The following MYOM1 variants were observed in gnomAD, a reference collection of about 807,000 sequenced individuals.
MYOM1 encodes myomesin-1.
Under a neutral mutation model 205.3 loss-of-function variants are expected in MYOM1, and 164 were observed. The ratio of observed to expected loss-of-function variants is 0.80; its 90% CI spans 0.70 to 0.91. The LOEUF (loss-of-function observed/expected upper bound fraction) is 0.91. MYOM1 is among the 40% of genes least tolerant of loss of function. MYOM1 has a pLI of 0.00. For missense variants in MYOM1, 2,011 were observed against 2,127.3 expected (o/e 0.95, Z 1.08); for synonymous variants, 772 against 789.4 (o/e 0.98, Z 0.37).
At chr18:3,246,996 C>T in the MYOM1 span, 1 of 152,234 alleles carries the variant, frequency 6.6e-6, no homozygotes, top group East Asian at 1.9e-4. Context: ...CCTGTTTTCA[C>T]CAAGTCGCAA....
chr18:3,169,099 T>C lies in MYOM1; in HGVS notation c.1175-118A>G. The C allele has an allele frequency of 1.8e-5, 15 of 838,084 alleles. 1 individual carries two copies. The South Asian group carries it at 2.5e-4, about 14-fold the overall frequency. The allele number at this position is 838,084 out of a possible 1,614,324, so 51.9% of individuals were successfully genotyped here. On this transcript the variant is annotated intron_variant, in intron 8 of 37. Transcript: ENST00000356443. ...AAAAAAAAATGAACAAATGAGCAAATGATTTAACTGGGTCAAAATGAAACC... is the reference window on the plus strand; with the variant it reads ...AAAAAAAAATGAACAAATGAGCAAACGATTTAACTGGGTCAAAATGAAACC...
chr18:3,087,488 CTTTTTTTTTT>C (rs5822735), intron 29 of MYOM1, among the ~76,000 whole-genome samples: 1 of 122,706 alleles, frequency 8.1e-6, no homozygotes, highest in East Asian at 2.4e-4. Flanking sequence ...CTCCTACGTT[CTTTTTTTTTT>C]TTTTTTTTTG....
At chr18:3,084,182 G>A (rs557740130) in intron 31 of MYOM1, among the ~76,000 whole-genome samples, 155 bp from the exon 32 acceptor site, 79 of 152,256 alleles carry the variant, frequency 5.2e-4, no homozygotes, top group Admixed American at 5.9e-4. Context: ...TATTCTTTGA[G>A]GAAATAGTTC....
rs749346618 is a variant in MYOM1, at chr18:3,188,927, C to T, written c.592G>A (p.Ala198Thr). The change falls in exon 4 of 38, where the codon GCA becomes ACA. Residue 198 changes from alanine (A) to threonine (T), a missense_variant. Physicochemically the swap from Ala to Thr is moderately conservative, Grantham distance 58. Transcript: ENST00000356443. ...TTGGATGCTGTGGACTGCTTGGATGCCGTGGACTGCTTAGATGCCGTGGTC... is the reference window on the plus strand; with the variant it reads ...TTGGATGCTGTGGACTGCTTGGATGTCGTGGACTGCTTAGATGCCGTGGTC... ...KQTTASKQST[A>T]SKQSTASKQS... 2.2e-5 allele frequency: 35 copies of T among 1,611,600 alleles called. No homozygotes were observed. The East Asian group carries it at 3.4e-4, about 15-fold the overall frequency.
rs559625778 is a variant in MYOM1 at position 3,071,881 on chromosome 18, G to A, written c.4717C>T (p.Arg1573Trp). The change falls in exon 37 of 38, where the codon CGG becomes TGG. Residue 1573 changes from arginine to tryptophan, a missense_variant. Physicochemically the swap from Arg to Trp is moderately radical, Grantham distance 101. Coordinates refer to ENST00000356443, the MANE Select transcript of MYOM1 (RefSeq NM_003803.4). ...QAAIAEKNRARVLGGLPDVVT... is the reference protein window; with the variant it reads ...QAAIAEKNRAWVLGGLPDVVT... ...ACGTCTGGGAGACCTCCCAACACCCGGGCACGATCTGCAAGCATAGGCATT... is the reference window on the plus strand; with the variant it reads ...ACGTCTGGGAGACCTCCCAACACCCAGGCACGATCTGCAAGCATAGGCATT... The A allele has an allele frequency of 2.7e-5, 44 of 1,604,652 alleles. No individual in the cohort carries two copies. The highest frequency in any genetic ancestry group is 2.3e-5 in the East Asian group (1 of 44,410).
chr18:3,114,213 G>C (rs1311108470), intron 21 of MYOM1, among the ~76,000 whole-genome samples: 1 of 152,188 alleles, frequency 6.6e-6, no homozygotes, highest in Non-Finnish European at 1.5e-5. Context: ...GTATGGCTGT[G>C]AGTCAGATTT....
At chr18:3,158,462 T>C (rs2080333578) in intron 10 of MYOM1, among the ~76,000 whole-genome samples, 1 of 152,194 alleles carries the variant, frequency 6.6e-6, no homozygotes, top group Admixed American at 6.5e-5. Flanking sequence ...TTTTTGATAT[T>C]TAGTGGCAAA....
At chr18:3,147,131 A>ATAT (rs2080139329) in intron 13 of MYOM1, among the ~76,000 whole-genome samples, 1 of 145,754 alleles carries the variant, frequency 6.9e-6, no homozygotes, top group South Asian at 2.1e-4. Flanking sequence ...AATATTATAT[A>ATAT]TTATAGATAA....
chr18:3,078,042 G>A lies in MYOM1; in HGVS notation c.4648+1137C>T, dbSNP rs1010588776. On this transcript the variant is annotated intron_variant, in intron 34 of 37. Coordinates refer to ENST00000356443, the MANE Select transcript of MYOM1 (RefSeq NM_003803.4). ...ACCTGAGTTACTGCATATTGAGGTT[G>A]TATTTTTTTTTTTTTTTGAGACAGA... 6.8e-5 allele frequency among the ~76,000 whole-genome samples: 10 copies of A among 147,616 alleles called. No homozygotes were observed. The East Asian group carries it at 2.0e-3, about 30-fold the overall frequency.
At chr18:3,154,822 C>A in intron 11 of MYOM1, 125 bp downstream of exon 11, 2 of 1,025,602 alleles carry the variant, frequency 2.0e-6, no homozygotes, top group African/African-American at 1.6e-5. Flanking sequence ...AAGAGAGATA[C>A]AGAAATAGAA....
intron 4 of MYOM1, among the ~76,000 whole-genome samples, chr18:3,187,857 CTTTTTT>C (rs763218658): frequency 3.2e-5 from 4 of 124,224 alleles, no homozygotes; most frequent in African/African-American, 1.3e-4. Context: ...ATTTCTTTTT[CTTTTTT>C]TTTTTTTTTT....
rs576778870 is a variant in MYOM1 at position 3,166,453 on chromosome 18, G to GT, written c.1340-2015dup. Among the ~76,000 whole-genome samples, 238 of 149,920 alleles carry GT rather than the reference G, an allele frequency of 1.6e-3. 2 individuals carry two copies. Among genetic ancestry groups the GT allele is most frequent in the South Asian group, 0.01 (48 of 4,744 alleles). ...GCCTGGCTAATTCTTTTTTTGTTTTGTTTTGTTTTTTTAGTAGATATGGGG... is the reference window on the plus strand; with the variant it reads ...GCCTGGCTAATTCTTTTTTTGTTTTGTTTTTGTTTTTTTAGTAGATATGGGG... On this transcript the variant is annotated intron_variant, in intron 9 of 37. Transcript: ENST00000356443.
chr18:3,188,560 C>T (rs532468203), intron 4 of MYOM1, among the ~76,000 whole-genome samples, 188 bp downstream of exon 4: 1 of 151,764 alleles, frequency 6.6e-6, no homozygotes, highest in East Asian at 1.9e-4. Context: ...ATCCGGGAGG[C>T]GGAGGCTGCA....
chr18:3,079,099 CA>C, intron 34 of MYOM1, 79 bp downstream of exon 34: 1 of 1,470,044 alleles, frequency 6.8e-7, no homozygotes. Context: ...AGGCATAAGC[CA>C]CCATGCCCAA....
intron 10 of MYOM1, among the ~76,000 whole-genome samples, chr18:3,158,980 A>T (rs949558769): frequency 6.6e-6 from 1 of 152,152 alleles, no homozygotes; most frequent in African/African-American, 2.4e-5. Context: ...GCCATTTTCA[A>T]TTCTTCTTTC....
At chr18:3,188,456 G>A (rs1409044829) in intron 4 of MYOM1, among the ~76,000 whole-genome samples, 13,017 of 143,248 alleles carry the variant, frequency 0.091, 830 homozygotes, top group African/African-American at 0.19. Context: ...ACCTCTACCA[G>A]AAAAAAAAAA....
At chr18:3,208,843 T>C (rs2081157694) in intron 2 of MYOM1, among the ~76,000 whole-genome samples, 1 of 152,218 alleles carries the variant, frequency 6.6e-6, no homozygotes, top group South Asian at 2.1e-4. Flanking sequence ...TTGCCCAGGC[T>C]GGTCTGAAAC....
At chr18:3,191,134 T>C (rs1270301759) in intron 3 of MYOM1, among the ~76,000 whole-genome samples, 1 of 152,184 alleles carries the variant, frequency 6.6e-6, no homozygotes, top group Non-Finnish European at 1.5e-5. Flanking sequence ...GGCTAACATG[T>C]TGACAAAAGT....
intron 2 of MYOM1, among the ~76,000 whole-genome samples, chr18:3,208,804 A>G (rs1395930326): frequency 6.6e-6 from 1 of 152,216 alleles, no homozygotes; most frequent in Non-Finnish European, 1.5e-5. Context: ...TTGATATATC[A>G]GCAACAATAG....
Sources: gnomAD v4.1 joint callset for allele counts (sites outside exome capture counted in the v4.1 genomes callset) on GRCh38, gnomAD v4.1.1 for gene constraint, MANE v1.5 for transcripts, NCBI Gene and HGNC (gene_info 2026-07-23, HGNC 2026-07-21) for gene names.